Variants in PUS10 observed in about 807,000 individuals in gnomAD.
PUS10 encodes tRNA pseudouridine synthase Pus10.
Under a neutral mutation model 75.0 loss-of-function variants are expected in PUS10, and 59 were observed. The observed-to-expected ratio is 0.79, with a 90% CI of 0.64 to 0.98. The LOEUF is 0.98. PUS10 is among the 50% of genes least tolerant of loss of function. The probability of loss-of-function intolerance (pLI) is 0.00; values close to 1 mark genes in which losing one functional copy is unlikely to be tolerated. For missense variants in PUS10, 650 were observed against 614.4 expected (o/e 1.06, Z -0.61); for synonymous variants, 219 against 211.6 (o/e 1.03, Z -0.30).
intron 4 of PUS10, among the ~76,000 whole-genome samples, chr2:60,973,608 G>A (rs1057479530): frequency 6.6e-6 from 1 of 152,272 alleles, no homozygotes; most frequent in African/African-American, 2.4e-5. Context: ...GCAGTTTGGT[G>A]CTGGCCTGCA....
intron 4 of PUS10, among the ~76,000 whole-genome samples, chr2:60,989,418 T>G (rs1677935538): frequency 6.6e-6 from 1 of 152,154 alleles, no homozygotes; most frequent in Non-Finnish European, 1.5e-5. Flanking sequence ...CATTAATACT[T>G]CACTGAGTAA....
At chr2:60,965,273 C>T (rs1419772147) in intron 7 of PUS10, 150 bp downstream of exon 7, 2 of 979,888 alleles carry the variant, frequency 2.0e-6, no homozygotes, top group African/African-American at 3.3e-5. Context: ...TTCAAGGACA[C>T]ATTTTATTTT....
intron 15 of PUS10, among the ~76,000 whole-genome samples, chr2:60,948,526 C>T (rs557039482): frequency 5.9e-4 from 89 of 152,076 alleles, no homozygotes; most frequent in Admixed American, 1.5e-3. Flanking sequence ...TGCGCCCCGT[C>T]GAGTTTGCGT....
intron 1 of PUS10, among the ~76,000 whole-genome samples, chr2:61,014,994 A>G (rs1362789391): frequency 6.6e-6 from 1 of 152,200 alleles, no homozygotes; most frequent in Admixed American, 6.5e-5. Context: ...TACTAAAAAC[A>G]GATTGCCTCT....
At position 61,018,114 on chromosome 2, in the gene PUS10, G is replaced by T. The variant is rs1680136302; in HGVS notation, c.-122C>A. ...TCTCTCTGGGTCTCTGTGCTTGAAA[G>T]AAAGGGGGGCGGCTTCCTACCTACC... On this transcript the variant is annotated 5_prime_UTR_variant, in exon 1 of 18. Transcript: ENST00000316752. The T allele has an allele frequency of 6.5e-7, 1 of 1,546,806 alleles. No homozygotes were observed. Among genetic ancestry groups the T allele is most frequent in the South Asian group, 1.2e-5 (1 of 83,884 alleles).
At chr2:61,001,188 T>G (rs1437744617) in intron 4 of PUS10, among the ~76,000 whole-genome samples, 1 of 152,236 alleles carries the variant, frequency 6.6e-6, no homozygotes, top group Non-Finnish European at 1.5e-5. Context: ...AACATAACTT[T>G]AAGTACACAA....
At chr2:60,975,851 T>A (rs561784953) in intron 4 of PUS10, among the ~76,000 whole-genome samples, 1 of 152,156 alleles carries the variant, frequency 6.6e-6, no homozygotes. Flanking sequence ...ACCCTCCTCC[T>A]CCCCGTTTCA....
chr2:60,979,568 C>A (rs1573453286), intron 4 of PUS10, among the ~76,000 whole-genome samples: 2 of 152,324 alleles, frequency 1.3e-5, no homozygotes, highest in Admixed American at 6.5e-5. Flanking sequence ...AAACTTTCTT[C>A]TTTTCCCCAA....
At chr2:60,986,002 G>T (rs1259294185) in intron 4 of PUS10, among the ~76,000 whole-genome samples, 1 of 148,760 alleles carries the variant, frequency 6.7e-6, no homozygotes, top group Non-Finnish European at 1.5e-5. Context: ...AAAGGAAAAT[G>T]CATTAAAAGT....
chr2:60,952,909 T>G (rs1675431543), intron 15 of PUS10, 88 bp downstream of exon 15: 1 of 780,138 alleles, frequency 1.3e-6, no homozygotes, highest in African/African-American at 1.7e-5. Flanking sequence ...CCATGCCCTG[T>G]GACTTGCTAG....
intron 1 of PUS10, among the ~76,000 whole-genome samples, chr2:61,015,295 G>C (rs1679894221): frequency 1.3e-5 from 2 of 152,158 alleles, no homozygotes; most frequent in South Asian, 2.1e-4. Flanking sequence ...GAGGTCTGGA[G>C]TTCAAGACCA....
intron 11 of PUS10, among the ~76,000 whole-genome samples, chr2:60,957,668 G>A (rs1345404953): frequency 6.6e-6 from 1 of 152,268 alleles, no homozygotes; most frequent in Non-Finnish European, 1.5e-5. Context: ...TGCCCTGGTA[G>A]ACATAAGTAG....
At position 60,961,486 on chromosome 2, in the gene PUS10, G is replaced by A. The variant is rs918095526; in HGVS notation, c.851C>T (p.Ala284Val). The A allele has an allele frequency of 1.9e-6, 3 of 1,613,842 alleles. No individual in the cohort carries two copies. The highest frequency in any genetic ancestry group is 1.3e-5 in the African/African-American group (1 of 74,916). ...ACCAGCCACAAAAACAGCACCATGA[G>A]CACATTCAATTTCAAGAACAGCGCA... ...AVCAVLEIEC[A>V]HGAVFVAGRY... is the part of the protein sequence containing the mutation. The change falls in exon 10 of 18, where the codon GCT (alanine) becomes GTT (valine). Residue 284 changes from alanine to valine, a missense_variant. Physicochemically the swap from Ala to Val is moderately conservative, Grantham distance 64 (BLOSUM62 0). Coordinates refer to ENST00000316752, the MANE Select transcript of PUS10 (RefSeq NM_144709.4).
intron 4 of PUS10, among the ~76,000 whole-genome samples, chr2:60,993,839 G>T (rs145281763): frequency 1.3e-5 from 2 of 152,064 alleles, no homozygotes; most frequent in Non-Finnish European, 2.9e-5. Context: ...GCCCAGTCTG[G>T]AGTGCAGTGG....
At chr2:60,953,897 C>A (rs1558875595) in intron 14 of PUS10, 36 bp downstream of exon 14, 1 of 1,571,368 alleles carries the variant, frequency 6.4e-7, no homozygotes. Context: ...ACTAAAACGT[C>A]CCTTTTGAAA....
rs879142388 is a variant in PUS10, at chr2:60,940,590, TA to T, written c.*1804del. 2.0e-5 allele frequency: 3 copies of T among 152,462 alleles called. No individual in the cohort carries two copies. In the South Asian group the frequency reaches 6.2e-4, roughly 32 times the overall value. The allele number at this position is 152,462 out of a possible 1,614,324, so 9.4% of individuals were successfully genotyped here. ...AATGCTTACTCTTTGCGTGAAATTT[TA>T]TATAATCTCAGGAATAGAAATTTAA... On this transcript the variant is annotated 3_prime_UTR_variant, in exon 18 of 18. Coordinates refer to ENST00000316752, the MANE Select transcript of PUS10 (RefSeq NM_144709.4).
At chr2:61,009,077 T>A in intron 2 of PUS10, 62 bp from the exon 3 acceptor site, 1 of 1,438,630 alleles carries the variant, frequency 7.0e-7, no homozygotes, top group Non-Finnish European at 9.3e-7. Flanking sequence ...GCTTTCTAGG[T>A]AAGATGAAAC....
chr2:60,964,337 G>C (rs1355011371), intron 8 of PUS10, among the ~76,000 whole-genome samples: 1 of 152,168 alleles, frequency 6.6e-6, no homozygotes, highest in Non-Finnish European at 1.5e-5. Context: ...ATGAGCTTAT[G>C]TTCTTTTTAA....
intron 4 of PUS10, among the ~76,000 whole-genome samples, chr2:60,997,219 A>G (rs915532220): frequency 2.0e-5 from 3 of 152,230 alleles, no homozygotes; most frequent in Non-Finnish European, 4.4e-5. Flanking sequence ...TAGCAAGGTT[A>G]CTATACACTC....
Sources: gnomAD v4.1 joint callset for allele counts (sites outside exome capture counted in the v4.1 genomes callset) on GRCh38, gnomAD v4.1.1 for gene constraint, MANE v1.5 for transcripts, NCBI Gene and HGNC (gene_info 2026-07-23, HGNC 2026-07-21) for gene names.